ATXN10: variants seen among roughly 807,000 people sequenced by gnomAD.
ATXN10 encodes the protein ataxin 10, also known as ataxin-10.
Under a neutral mutation model 52.9 loss-of-function variants are expected in ATXN10, and 28 were observed. The ratio of observed to expected loss-of-function variants is 0.53; its 90% confidence interval spans 0.39 to 0.73. The LOEUF (loss-of-function observed/expected upper bound fraction) is 0.73, where lower values mean the gene tolerates loss of function less well. ATXN10 is among the 30% of genes least tolerant of loss of function. The pLI is 0.00. For missense variants in ATXN10, 565 were observed against 577.0 expected (o/e 0.98, Z 0.21); for synonymous variants, 226 against 221.5 (o/e 1.02, Z -0.18).
At position 45,684,257 on chromosome 22, in the gene ATXN10, T is replaced by G. The variant is rs1923045152; in HGVS notation, c.117-5455T>G. Reference sequence around the variant, plus strand: ...TATGAACCACTGCGCCTGGCCGCCTTAGTTCCTTTCATTTAGCACAGTGCG... The same window carrying G: ...TATGAACCACTGCGCCTGGCCGCCTGAGTTCCTTTCATTTAGCACAGTGCG... On this transcript the variant is annotated intron_variant, in intron 1 of 11. Transcript: ENST00000252934. The surrounding 1 kb of genome is among the most constrained non-coding windows in gnomAD (Gnocchi z 4.1). Among the ~76,000 whole-genome samples the G allele has an allele frequency of 6.6e-6, 1 of 152,086 alleles. No homozygotes were observed. Among genetic ancestry groups the G allele is most frequent in the South Asian group, 2.1e-4 (1 of 4,826 alleles).
chr22:45,683,101 C>T lies in ATXN10; in HGVS notation c.117-6611C>T, dbSNP rs1217586925. On this transcript the variant is annotated intron_variant, in intron 1 of 11. Transcript: ENST00000252934. The surrounding 1 kb of genome is among the most constrained non-coding windows in gnomAD (Gnocchi z 4.8). ...TGGGAGGCCAAGGCAGGTGGATCAC[C>T]TGAGGCCAGGAGTTTGAGACCAGCC... 6.6e-6 allele frequency among the ~76,000 whole-genome samples: 1 copy of T among 152,126 alleles called. No homozygotes were observed. Among genetic ancestry groups the T allele is most frequent in the Non-Finnish European group, 1.5e-5 (1 of 68,014 alleles).
chr22:45,694,351 A>T (rs941606402), intron 3 of ATXN10, among the ~76,000 whole-genome samples: 1 of 152,202 alleles, frequency 6.6e-6, no homozygotes, highest in African/African-American at 2.4e-5. Flanking sequence ...AAATTATTTG[A>T]TAAAAAAATC....
At chr22:45,753,376 G>GGTTTTTTT (rs1601625157) in intron 9 of ATXN10, among the ~76,000 whole-genome samples, 1 of 121,168 alleles carries the variant, frequency 8.3e-6, no homozygotes, top group South Asian at 2.8e-4. Context: ...CCTCTTACCA[G>GGTTTTTTT]CTTTTTTTTT....
intron 7 of ATXN10, among the ~76,000 whole-genome samples, chr22:45,731,365 C>T (rs535759364): frequency 2.0e-5 from 3 of 152,266 alleles, no homozygotes; most frequent in East Asian, 3.9e-4. Context: ...CAGGGGAACA[C>T]GAGGGAACTT....
chr22:45,694,032 A>G (rs1376818680), intron 3 of ATXN10, among the ~76,000 whole-genome samples: 1 of 152,182 alleles, frequency 6.6e-6, no homozygotes, highest in Admixed American at 6.5e-5. Flanking sequence ...AAACAGACAA[A>G]AAGTGTCTGT....
At chr22:45,768,670 C>G (rs1415142911) in intron 9 of ATXN10, among the ~76,000 whole-genome samples, 1 of 152,204 alleles carries the variant, frequency 6.6e-6, no homozygotes, top group Non-Finnish European at 1.5e-5. Flanking sequence ...AAACAGCCAG[C>G]TTGCTCAGTG....
At chr22:45,839,850 C>A (rs1802825906) in intron 10 of ATXN10, among the ~76,000 whole-genome samples, 1 of 152,202 alleles carries the variant, frequency 6.6e-6, no homozygotes, top group African/African-American at 2.4e-5. Flanking sequence ...AGCCCTGGGT[C>A]GGGAAACCAC....
chr22:45,740,234 A>G, intron 8 of ATXN10, 135 bp from the exon 9 acceptor site: 1 of 816,130 alleles, frequency 1.2e-6, no homozygotes. Context: ...CCTTGTAATC[A>G]TTATTTAAAT....
At chr22:45,821,850 T>C (rs1928659801) in intron 10 of ATXN10, among the ~76,000 whole-genome samples, 1 of 152,192 alleles carries the variant, frequency 6.6e-6, no homozygotes, top group South Asian at 2.1e-4. Flanking sequence ...TACTGAAAAG[T>C]GAAGCCAATA....
rs530996207 is a variant in ATXN10 at position 45,841,494 on chromosome 22, G to C, written c.1238-1497G>C. 2.1e-4 allele frequency among the ~76,000 whole-genome samples: 32 copies of C among 152,376 alleles called. No individual in the cohort carries two copies. Among genetic ancestry groups the C allele is most frequent in the Admixed American group, 2.1e-3 (32 of 15,310 alleles). ...ACGACCACAGCTGTGGAGGAGCTGG[G>C]AGACACAGGCCAGGAGCTTAAGTGC... On this transcript the variant is annotated intron_variant, in intron 10 of 11. Transcript: ENST00000252934. The surrounding 1 kb of genome is among the most constrained non-coding windows in gnomAD (Gnocchi z 5.1).
chr22:45,803,666 C>T (rs1928002917), intron 9 of ATXN10, among the ~76,000 whole-genome samples: 1 of 152,160 alleles, frequency 6.6e-6, no homozygotes, highest in Non-Finnish European at 1.5e-5. Context: ...TATCGGTCAG[C>T]ACAAGGCAAA....
Position 45,833,362 on chromosome 22 carries a change from A to G in ATXN10, c.1238-9629A>G, listed in dbSNP as rs182360199. 1.3e-5 allele frequency among the ~76,000 whole-genome samples: 2 copies of G among 152,278 alleles called. No homozygotes were observed. Among genetic ancestry groups the G allele is most frequent in the African/African-American group, 4.8e-5 (2 of 41,542 alleles). On this transcript the variant is annotated intron_variant, in intron 10 of 11. Coordinates refer to ENST00000252934, the MANE Select transcript of ATXN10 (RefSeq NM_013236.4). The surrounding 1 kb of genome is among the most constrained non-coding windows in gnomAD (Gnocchi z 4.3). The stretch of plus-strand genomic sequence containing the variant: ...AGCAAGTGCTACCAGATGCCCAGAC[A>G]CTGGTGTGTACAGCATAAGAGCGCT...
Position 45,819,217 on chromosome 22 carries a change from G to GAATAT in ATXN10, c.1237+12199_1237+12200insTAATA, listed in dbSNP as rs1928569830. On this transcript the variant is annotated intron_variant, in intron 10 of 11. Transcript: ENST00000252934. The surrounding 1 kb of genome is among the most constrained non-coding windows in gnomAD (Gnocchi z 4.5). The stretch of plus-strand genomic sequence containing the variant: ...AAATAGAATAGAATAGAATAGAATA[G>GAATAT]AATAGAATAGAATAGAATAGAATAG... 7.1e-6 allele frequency among the ~76,000 whole-genome samples: 1 copy of GAATAT among 141,022 alleles called. No individual in the cohort carries two copies. Among genetic ancestry groups the GAATAT allele is most frequent in the South Asian group, 2.2e-4 (1 of 4,560 alleles). 92.5% of individuals were successfully genotyped at this position (141,022 alleles called of 152,430 possible).
chr22:45,675,908 TC>T (rs1285993597), intron 1 of ATXN10: 1 of 152,234 alleles, frequency 6.6e-6, no homozygotes, highest in Non-Finnish European at 1.5e-5. Context: ...ATTGAGATAT[TC>T]CTCAGCTGTT....
chr22:45,727,677 T>A lies in ATXN10; in HGVS notation c.729-1748T>A, dbSNP rs1924933895. ...CACCCAGCCAATATATTTTGATTTTTAAAAAAATAAATTGAGACTTGCTTT... is the reference window on the plus strand; with the variant it reads ...CACCCAGCCAATATATTTTGATTTTAAAAAAAATAAATTGAGACTTGCTTT... On this transcript the variant is annotated intron_variant, in intron 6 of 11. Transcript: ENST00000252934. The surrounding 1 kb of genome is among the most constrained non-coding windows in gnomAD (Gnocchi z 4.6). Among the ~76,000 whole-genome samples the A allele has an allele frequency of 6.6e-6, 1 of 152,114 alleles. No homozygotes were observed. Among genetic ancestry groups the A allele is most frequent in the Non-Finnish European group, 1.5e-5 (1 of 68,018 alleles).
At chr22:45,806,546 C>T (rs1232994197) in intron 9 of ATXN10, among the ~76,000 whole-genome samples, 1 of 152,190 alleles carries the variant, frequency 6.6e-6, no homozygotes, top group East Asian at 1.9e-4. Context: ...TCCCCTGTTG[C>T]TTCCGGATTG....
At chr22:45,672,413 G>A (rs1922497513) in intron 1 of ATXN10, 1 of 257,684 alleles carries the variant, frequency 3.9e-6, no homozygotes, top group Non-Finnish European at 6.7e-6. Flanking sequence ...CAGCCAGTCC[G>A]GGTGCGAAGC....
chr22:45,747,074 C>T (rs1019626093), intron 9 of ATXN10, among the ~76,000 whole-genome samples: 1 of 152,184 alleles, frequency 6.6e-6, no homozygotes, highest in Non-Finnish European at 1.5e-5. Flanking sequence ...TTTTGTCTTT[C>T]ATGAAACCCA....
chr22:45,751,763 A>AAATAATAATAAT (rs1165303275), intron 9 of ATXN10, among the ~76,000 whole-genome samples: 13 of 66,576 alleles, frequency 2.0e-4, no homozygotes, highest in East Asian at 3.1e-4. Context: ...AATAAAAAAA[A>AAATAATAATAAT]AATAATAATA....
Sources: allele counts gnomAD v4.1 joint callset (sites outside exome capture counted in the v4.1 genomes callset), GRCh38; gene constraint gnomAD v4.1.1; non-coding constraint Gnocchi (gnomAD v3.1); transcripts MANE v1.5; gene names NCBI Gene and HGNC (gene_info 2026-07-23, HGNC 2026-07-21).